Variants in GPC6 observed in about 807,000 individuals in gnomAD.
GPC6 encodes the protein glypican-6.
In GPC6, 14 loss-of-function variants were observed where a neutral mutation model predicts 55.2. The ratio of observed to expected loss-of-function variants is 0.25; its 90% CI spans 0.17 to 0.40. The LOEUF is 0.40. GPC6 is among the 10% of genes least tolerant of loss of function. GPC6 has a pLI of 1.00. For missense variants in GPC6, 641 were observed against 708.5 expected (o/e 0.90, Z 1.08); for synonymous variants, 278 against 259.6 (o/e 1.07, Z -0.68).
At chr13:94,035,403 A>G (rs1450082932) in intron 4 of GPC6, among the ~76,000 whole-genome samples, 1 of 152,130 alleles carries the variant, frequency 6.6e-6, no homozygotes, top group Admixed American at 6.6e-5. Flanking sequence ...AGGAGATAAA[A>G]GGAACATGTG....
chr13:93,717,012 C>A (rs1016318102), intron 2 of GPC6, among the ~76,000 whole-genome samples: 1 of 151,526 alleles, frequency 6.6e-6, no homozygotes, highest in Admixed American at 6.6e-5. Context: ...AGGCTATATA[C>A]CATGTAGTCT....
chr13:94,321,720 C>G (rs533502369), intron 6 of GPC6, among the ~76,000 whole-genome samples: 1 of 152,184 alleles, frequency 6.6e-6, no homozygotes, highest in Admixed American at 6.5e-5. Flanking sequence ...AATATTGTTC[C>G]AGGTTCAGCC....
rs1555318424 is a variant in GPC6 at position 93,632,617 on chromosome 13, G to GTGTA, written c.319+87197_319+87198insGTAT. On this transcript the variant is annotated intron_variant, in intron 2 of 8. Transcript: ENST00000377047. Reference sequence around the variant, plus strand: ...TATATGTATATGTGTGTATATATATGTATATATATATATATATATAATAAA... The same window carrying GTGTA: ...TATATGTATATGTGTGTATATATATGTGTATATATATATATATATATATAATAAA... Among the ~76,000 whole-genome samples the GTGTA allele has an allele frequency of 2.7e-3, 139 of 51,822 alleles. 1 individual carries two copies. The highest frequency in any genetic ancestry group is 5.5e-3 in the African/African-American group (133 of 24,052). The allele number at this position is 51,822 out of a possible 152,430, so 34.0% of individuals were successfully genotyped here. A position where few individuals can be genotyped will look rare whatever the true frequency, so the allele number is the denominator to read the frequency against.
intron 1 of GPC6, among the ~76,000 whole-genome samples, chr13:93,245,004 A>G (rs1423567656): frequency 6.6e-6 from 1 of 152,174 alleles, no homozygotes; most frequent in East Asian, 1.9e-4. Flanking sequence ...GAAACTGCTG[A>G]GGCTGTCTGA....
intron 1 of GPC6, among the ~76,000 whole-genome samples, chr13:93,332,537 G>T (rs1299872910): frequency 6.6e-6 from 1 of 151,936 alleles, no homozygotes; most frequent in Non-Finnish European, 1.5e-5. Flanking sequence ...CTGATCATTT[G>T]CCCATTTAAA....
chr13:93,744,558 G>A (rs1174752342), intron 2 of GPC6, among the ~76,000 whole-genome samples: 2 of 49,460 alleles, frequency 4.0e-5, no homozygotes, highest in Non-Finnish European at 3.5e-5. Context: ...TTTTTTTACA[G>A]TTGATCAATT....
At chr13:93,751,146 C>T (rs917739239) in intron 2 of GPC6, among the ~76,000 whole-genome samples, 3 of 131,260 alleles carry the variant, frequency 2.3e-5, no homozygotes, top group Admixed American at 1.8e-4. Flanking sequence ...CTTTTCAAGT[C>T]CCAAAAAAAG....
intron 3 of GPC6, among the ~76,000 whole-genome samples, chr13:93,997,552 A>G (rs1274872585): frequency 3.3e-5 from 5 of 150,390 alleles, no homozygotes; most frequent in Non-Finnish European, 3.0e-5. Flanking sequence ...TTTCTTGTCC[A>G]TTATCACATC....
At chr13:93,800,854 T>C (rs1032540740) in intron 2 of GPC6, among the ~76,000 whole-genome samples, 2 of 152,204 alleles carry the variant, frequency 1.3e-5, no homozygotes, top group African/African-American at 4.8e-5. Context: ...CATTTCCCAA[T>C]ATTATGGAAC....
At chr13:93,983,209 C>T (rs1185172775) in intron 3 of GPC6, among the ~76,000 whole-genome samples, 1 of 152,124 alleles carries the variant, frequency 6.6e-6, no homozygotes, top group Non-Finnish European at 1.5e-5. Context: ...TGAGAATGTA[C>T]ATGTTAATCA....
intron 6 of GPC6, among the ~76,000 whole-genome samples, chr13:94,316,488 C>T (rs1416334432): frequency 1.3e-5 from 2 of 152,000 alleles, no homozygotes; most frequent in Admixed American, 6.5e-5. Context: ...GAGGCCGAGG[C>T]GGGCGGATCA....
chr13:93,305,798 T>G (rs1878837033), intron 1 of GPC6, among the ~76,000 whole-genome samples: 1 of 152,242 alleles, frequency 6.6e-6, no homozygotes, highest in Non-Finnish European at 1.5e-5. Flanking sequence ...AGTTTCCTAT[T>G]TCCTAAATGA....
intron 1 of GPC6, among the ~76,000 whole-genome samples, chr13:93,401,155 CGTGTGTGTGTGTGT>C (rs5805802): frequency 4.7e-4 from 68 of 143,514 alleles, no homozygotes; most frequent in East Asian, 1.1e-3. Context: ...AGGTATTTGT[CGTGTGTGTGTGTGT>C]GTGTGTGTGT....
intron 3 of GPC6, among the ~76,000 whole-genome samples, chr13:93,912,638 G>T (rs1193736468): frequency 6.6e-6 from 1 of 152,180 alleles, no homozygotes; most frequent in Non-Finnish European, 1.5e-5. Context: ...AGCTACTCGG[G>T]AGGCTGAGGC....
chr13:93,384,978 A>T (rs1223179491), intron 1 of GPC6, among the ~76,000 whole-genome samples: 2 of 152,180 alleles, frequency 1.3e-5, no homozygotes, highest in Non-Finnish European at 2.9e-5. Context: ...GCCCTCAGGG[A>T]GATTCTCTTC....
intron 1 of GPC6, among the ~76,000 whole-genome samples, chr13:93,275,037 G>A (rs535663454): frequency 6.6e-6 from 1 of 152,280 alleles, no homozygotes; most frequent in East Asian, 1.9e-4. Flanking sequence ...GCATATTCCA[G>A]CCTACTGAAT....
chr13:94,161,445 G>A (rs1465278229), intron 4 of GPC6, among the ~76,000 whole-genome samples: 1 of 152,082 alleles, frequency 6.6e-6, no homozygotes, highest in Non-Finnish European at 1.5e-5. Flanking sequence ...TACAGTTAAG[G>A]TTTCTAATGT....
chr13:93,786,232 G>A (rs1291479738), intron 2 of GPC6, among the ~76,000 whole-genome samples: 3 of 152,144 alleles, frequency 2.0e-5, no homozygotes, highest in Non-Finnish European at 4.4e-5. Context: ...AGCAGGAGAA[G>A]TGTAATGAAG....
intron 2 of GPC6, among the ~76,000 whole-genome samples, chr13:93,648,060 G>A (rs1880252150): frequency 6.6e-6 from 1 of 152,096 alleles, no homozygotes; most frequent in Admixed American, 6.5e-5. Flanking sequence ...TGGCATTAGA[G>A]GAGAAAGATA....
Sources: allele counts gnomAD v4.1 joint callset (sites outside exome capture counted in the v4.1 genomes callset), GRCh38; gene constraint gnomAD v4.1.1; transcripts MANE v1.5; gene names NCBI Gene and HGNC (gene_info 2026-07-23, HGNC 2026-07-21).